Variants in BTNL2 observed in about 807,000 individuals in gnomAD.
BTNL2 encodes butyrophilin like 2.
Under a neutral mutation model 46.8 loss-of-function variants are expected in BTNL2, and 46 were observed. That is an observed-to-expected ratio of 0.98 (90% CI 0.78 to 1.26). The LOEUF is 1.26. Among genes scored for constraint, BTNL2 ranks in the 50% most tolerant of loss-of-function variants. The pLI, the probability that BTNL2 is intolerant of heterozygous loss-of-function variation, is 0.00. For synonymous variants in BTNL2, 226 were observed against 229.1 expected, an observed-to-expected ratio of 0.99 and a Z score of 0.12; for missense variants, 461 against 592.6, an observed-to-expected ratio of 0.78 and a Z score of 2.31.
intron 4 of BTNL2, among the ~76,000 whole-genome samples, chr6:32,400,760 A>AAAAAAAAAAAG (rs1390075841): frequency 8.6e-6 from 1 of 115,838 alleles, no homozygotes; most frequent in Non-Finnish European, 1.9e-5. Flanking sequence ...AAAAAAAAAA[A>AAAAAAAAAAAG]AAATTAGCTG....
chr6:32,404,802 A>T, intron 2 of BTNL2, 137 bp downstream of exon 2: 1 of 822,822 alleles, frequency 1.2e-6, no homozygotes, highest in Non-Finnish European at 1.9e-6. Flanking sequence ...ACTTATTTTT[A>T]AATCAATCAG....
chr6:32,402,077 C>T (rs1287951305), intron 3 of BTNL2, among the ~76,000 whole-genome samples: 1 of 151,004 alleles, frequency 6.6e-6, no homozygotes, highest in Non-Finnish European at 1.5e-5. Flanking sequence ...ACTTAGCTAT[C>T]AGCATGAAAA....
intron 4 of BTNL2, among the ~76,000 whole-genome samples, chr6:32,398,852 G>A (rs1002467036): frequency 6.6e-6 from 1 of 152,142 alleles, no homozygotes; most frequent in Non-Finnish European, 1.5e-5. Context: ...AAATCATGCA[G>A]CCCTGTTTGT....
In BTNL2 at chr6:32,396,387, C is replaced by T. The variant is rs749425282; in HGVS notation, c.731-1G>A. On this transcript the variant is annotated splice_acceptor_variant, in intron 4 of 7. Coordinates refer to ENST00000454136, the MANE Select transcript of BTNL2 (RefSeq NM_001304561.2). LOFTEE classifies it high-confidence loss of function. The surrounding 1 kb of genome is among the most constrained non-coding windows in gnomAD (Gnocchi z 4.4). ...GAAGGTCCATTCACTTTTAAAGAAG[C>T]TGTTAAATAGAGTGGACAAAACACA... 3 of 1,610,506 alleles carry T rather than the reference C, an allele frequency of 1.9e-6. No homozygotes were observed. Among genetic ancestry groups the T allele is most frequent in the African/African-American group, 1.3e-5 (1 of 74,990 alleles).
In BTNL2 at chr6:32,393,916, C is replaced by T. The variant is rs17202421; in HGVS notation, c.*6+47G>A. The T allele has an allele frequency of 2.3e-3, 3,541 of 1,544,924 alleles. 64 individuals carry two copies. In the African/African-American group the frequency reaches 0.042, roughly 18 times the overall value. On this transcript the variant is annotated intron_variant, in intron 7 of 7. Transcript: ENST00000454136. The surrounding 1 kb of genome is among the most constrained non-coding windows in gnomAD (Gnocchi z 4.8). ...GGGAGGCTCGGGGAAGTACGCAGTA[C>T]GGTTCCCACTGCAGTGTGCTCCGCT...
intron 3 of BTNL2, among the ~76,000 whole-genome samples, chr6:32,402,391 G>A (rs1776838444): frequency 6.6e-6 from 1 of 151,548 alleles, no homozygotes; most frequent in Non-Finnish European, 1.5e-5. Flanking sequence ...GTTTATCATT[G>A]AATAGTGCAT....
chr6:32,402,952 G>T lies in BTNL2; in HGVS notation c.692C>A (p.Ser231Ter). Reference sequence around the variant, plus strand: ...GCACTGACCTGGGAGGCTGATGACCGACCCCTTCTCCTCAGTGAGGACGGG... The same window carrying T: ...GCACTGACCTGGGAGGCTGATGACCTACCCCTTCTCCTCAGTGAGGACGGG... ...HNPVLTEEKG[S>*]VISLPEKLQT... is the part of the protein sequence containing the mutation. Residue 231 changes from serine to a stop codon, truncating the protein, a stop_gained, in exon 3 of 8, where the codon TCG (serine) becomes TAG (stop). Coordinates refer to ENST00000454136, the MANE Select transcript of BTNL2 (RefSeq NM_001304561.2). LOFTEE classifies it high-confidence loss of function. 2 of 1,612,822 alleles carry T rather than the reference G, an allele frequency of 1.2e-6. No homozygotes were observed. The highest frequency in any genetic ancestry group is 1.7e-6 in the Non-Finnish European group (2 of 1,179,882).
In BTNL2 at chr6:32,394,595, T is replaced by A; in HGVS notation, c.1360+149A>T. ...AGAGGAGTAGAATCCCTGGGTGTCC[T>A]GAAAACCAGCTTTGCAGAGGATAGC... On this transcript the variant is annotated intron_variant, in intron 6 of 7. Transcript: ENST00000454136. The surrounding 1 kb of genome is among the most constrained non-coding windows in gnomAD (Gnocchi z 4.6). 1 of 927,768 alleles carries A rather than the reference T, an allele frequency of 1.1e-6. No individual in the cohort carries two copies. Among genetic ancestry groups the A allele is most frequent in the Non-Finnish European group, 1.6e-6 (1 of 637,520 alleles). The allele number at this position is 927,768 out of a possible 1,614,324, so 57.5% of individuals were successfully genotyped here. A position where few individuals can be genotyped will look rare whatever the true frequency, so the allele number is the denominator to read the frequency against.
rs931356759 is a variant in BTNL2, at chr6:32,396,556, T to C, written c.731-170A>G. ...GGGTTTCATGGACTCAGAATAGAGGTTGCTCTTCTTTAAGGAGGAATCATT... is the reference window on the plus strand; with the variant it reads ...GGGTTTCATGGACTCAGAATAGAGGCTGCTCTTCTTTAAGGAGGAATCATT... On this transcript the variant is annotated intron_variant, in intron 4 of 7. Transcript: ENST00000454136. The surrounding 1 kb of genome is among the most constrained non-coding windows in gnomAD (Gnocchi z 4.4). 1 of 657,092 alleles carries C rather than the reference T, an allele frequency of 1.5e-6. No homozygotes were observed. The highest frequency in any genetic ancestry group is 1.8e-5 in the African/African-American group (1 of 55,266). 40.7% of individuals were successfully genotyped at this position (657,092 alleles called of 1,614,324 possible).
chr6:32,405,928 G>A (rs1215032045), intron 1 of BTNL2, among the ~76,000 whole-genome samples: 1 of 151,758 alleles, frequency 6.6e-6, no homozygotes, highest in Non-Finnish European at 1.5e-5. Context: ...TAAGGACACT[G>A]GTTTGTCTAG....
At chr6:32,404,832 G>A in intron 2 of BTNL2, 107 bp downstream of exon 2, 2 of 1,082,480 alleles carry the variant, frequency 1.8e-6, no homozygotes, top group Non-Finnish European at 2.7e-6. Context: ...CTAAGCATTA[G>A]GAATTACCTT....
intron 5 of BTNL2, 40 bp from the exon 6 acceptor site, chr6:32,395,065 A>G (rs1776363941): frequency 6.6e-7 from 1 of 1,516,916 alleles, no homozygotes. Flanking sequence ...GGTCCTTTCA[A>G]GTGGATGAGT....
At chr6:32,405,397 T>C (rs550463242) in intron 1 of BTNL2, 111 bp from the exon 2 acceptor site, 532 of 970,014 alleles carry the variant, frequency 5.5e-4, no homozygotes, top group Non-Finnish European at 7.6e-4. Flanking sequence ...GGGAGAGATA[T>C]ATGTTTAATG....
chr6:32,394,033 T>G lies in BTNL2; in HGVS notation c.1385A>C (p.Lys462Thr). 1 of 1,550,206 alleles carries G rather than the reference T, an allele frequency of 6.5e-7. No homozygotes were observed. Among genetic ancestry groups the G allele is most frequent in the Non-Finnish European group, 8.7e-7 (1 of 1,146,750 alleles). The change falls in exon 7 of 8, where the codon AAA (lysine) becomes ACA (threonine). Residue 462 changes from lysine to threonine, a missense_variant. Coordinates refer to ENST00000454136, the MANE Select transcript of BTNL2 (RefSeq NM_001304561.2). This position sits in a 1 kb window ranked among gnomAD's most constrained non-coding sequence, Gnocchi z 4.6. The stretch of plus-strand genomic sequence containing the variant: ...AAGCAATCCCCAAACAAGCAGTGTT[T>G]TCCACAAAAACGTCATCCTGGACTC... ...LSESRMTFLW[K>T]TLLVWGLLLA...
chr6:32,404,063 C>T (rs114394166), intron 2 of BTNL2, among the ~76,000 whole-genome samples: 15,849 of 152,020 alleles, frequency 0.1, 960 homozygotes, highest in East Asian at 0.2. Context: ...TGTATTCCTC[C>T]ATCCATTTTG....
chr6:32,403,909 G>A (rs1253182824), intron 2 of BTNL2: 1 of 152,202 alleles, frequency 6.6e-6, no homozygotes, highest in African/African-American at 2.4e-5. Flanking sequence ...TTCCATAAAT[G>A]GGAATTCTGT....
Position 32,405,167 on chromosome 6 carries a change from G to C in BTNL2, c.199C>G (p.Arg67Gly). Reference protein sequence around the residue: ...TTMHVEVRWYRSEPSTPVFVH... With the variant: ...TTMHVEVRWYGSEPSTPVFVH... ...AACACAGGTGTGCTGGGCTCTGAGC[G>C]GTACCACCTCACCTCCACGTGCATT... The change falls in exon 2 of 8, where the codon CGC becomes GGC. Residue 67 changes from arginine to glycine, a missense_variant. Arg to Gly is a moderately radical substitution (Grantham distance 125). Coordinates refer to ENST00000454136, the MANE Select transcript of BTNL2 (RefSeq NM_001304561.2). 8 of 1,613,030 alleles carry C rather than the reference G, an allele frequency of 5.0e-6. No individual in the cohort carries two copies. In the South Asian group the frequency reaches 8.8e-5, roughly 18 times the overall value.
Position 32,393,846 on chromosome 6 carries a change from T to G in BTNL2, c.*6+117A>C, listed in dbSNP as rs1776270034. On this transcript the variant is annotated intron_variant, in intron 7 of 7. Transcript: ENST00000454136. The surrounding 1 kb of genome is among the most constrained non-coding windows in gnomAD (Gnocchi z 4.8). ...TTTCCTGTTTCTCATGTTTCCTTAG[T>G]TACTGGATATTCACTGACTGCCTCC... 1 of 1,370,244 alleles carries G rather than the reference T, an allele frequency of 7.3e-7. No individual in the cohort carries two copies. Among genetic ancestry groups the G allele is most frequent in the African/African-American group, 1.5e-5 (1 of 67,900 alleles). 84.9% of individuals were successfully genotyped at this position (1,370,244 alleles called of 1,614,324 possible). A position where few individuals can be genotyped will look rare whatever the true frequency, so the allele number is the denominator to read the frequency against.
At chr6:32,401,753 T>C in intron 4 of BTNL2, 32 bp downstream of exon 4, 1 of 1,603,040 alleles carries the variant, frequency 6.2e-7, no homozygotes, top group Non-Finnish European at 8.5e-7. Flanking sequence ...AGAGGCTCCC[T>C]CCACAGGTGT....
Sources: gnomAD v4.1 joint callset for allele counts (sites outside exome capture counted in the v4.1 genomes callset) on GRCh38, gnomAD v4.1.1 for gene constraint, Gnocchi (gnomAD v3.1) non-coding constraint, MANE v1.5 for transcripts, NCBI Gene and HGNC (gene_info 2026-07-23, HGNC 2026-07-21) for gene names.